The following DMD variants were observed in gnomAD, a reference collection of about 807,000 sequenced individuals.
The protein encoded by DMD is dystrophin.
Under a neutral mutation model 330.1 loss-of-function variants are expected in DMD, and 63 were observed. The observed-to-expected ratio is 0.19, with a 90% confidence interval of 0.16 to 0.24. The LOEUF (loss-of-function observed/expected upper bound fraction) is 0.24. Ranked by LOEUF, DMD falls within the 10% of genes least tolerant of loss-of-function variation. The probability of loss-of-function intolerance (pLI) is 1.00; values close to 1 mark genes in which losing one functional copy is unlikely to be tolerated. For missense variants in DMD, 3,344 were observed against 2,684.1 expected, an observed-to-expected ratio of 1.25 and a Z score of -5.43; for synonymous variants, 1,223 against 959.8, an observed-to-expected ratio of 1.27 and a Z score of -5.07.
At chrX:31,836,639 C>T in intron 49 of DMD, 79 bp downstream of exon 49, 1 of 798,073 alleles carries the variant, frequency 1.3e-6, no homozygotes, top group Non-Finnish European at 1.9e-6. Flanking sequence ...ATAAATAGTC[C>T]ACGTCAATGG....
chrX:32,956,377 C>G (rs891856682), intron 2 of DMD, among the ~76,000 whole-genome samples: 2 of 111,668 alleles, frequency 1.8e-5, no homozygotes, highest in African/African-American at 6.5e-5. Context: ...ACGTAGAGAT[C>G]TTTCACCCCT....
At chrX:33,163,618 C>CTATCTATCTATCTATGTATCTATGTA in intron 1 of DMD, among the ~76,000 whole-genome samples, 1 of 24,849 alleles carries the variant, frequency 4.0e-5, no homozygotes, top group African/African-American at 7.5e-5. Flanking sequence ...CTATATCTAT[C>CTATCTATCTATCTATGTATCTATGTA]TCTATCTATC....
intron 44 of DMD, among the ~76,000 whole-genome samples, chrX:32,198,940 C>A (rs777205315): frequency 2.7e-4 from 30 of 112,379 alleles, no homozygotes; most frequent in Admixed American, 5.7e-4. Flanking sequence ...TCTAAGCCAC[C>A]AAAGATAAAA....
chrX:31,261,358 G>T, intron 62 of DMD: 1 of 235,453 alleles, frequency 4.2e-6, no homozygotes, highest in East Asian at 1.0e-4. Flanking sequence ...CATCCAATGT[G>T]GAACACTACA....
At chrX:32,723,512 G>T (rs2066548005) in intron 7 of DMD, among the ~76,000 whole-genome samples, 1 of 111,400 alleles carries the variant, frequency 9.0e-6, no homozygotes, top group Non-Finnish European at 1.9e-5. Context: ...CTCTTTAAAT[G>T]TTTGGAAGAA....
At chrX:33,031,772 A>AAAAC (rs769836544) in intron 1 of DMD, among the ~76,000 whole-genome samples, 3 of 110,608 alleles carry the variant, frequency 2.7e-5, no homozygotes, top group South Asian at 3.9e-4. Context: ...CTCCATCTCA[A>AAAAC]AAACAAACAA....
At chrX:31,663,346 T>C (rs975785492) in intron 53 of DMD, among the ~76,000 whole-genome samples, 2 of 110,863 alleles carry the variant, frequency 1.8e-5, no homozygotes, top group African/African-American at 6.6e-5. Flanking sequence ...TTTCCTGAAG[T>C]TGCTAAACTC....
At chrX:33,032,819 T>C (rs916844890) in intron 1 of DMD, among the ~76,000 whole-genome samples, 2 of 112,402 alleles carry the variant, frequency 1.8e-5, no homozygotes, top group African/African-American at 6.5e-5. Flanking sequence ...TGCCAAATAC[T>C]GAAAGCACTT....
intron 20 of DMD, among the ~76,000 whole-genome samples, chrX:32,486,361 T>C (rs900182345): frequency 1.8e-5 from 2 of 112,244 alleles, no homozygotes; most frequent in African/African-American, 3.2e-5. Flanking sequence ...AAATGTACTA[T>C]TGAAATTCAA....
chrX:32,127,474 C>T (rs1192199259), intron 44 of DMD, among the ~76,000 whole-genome samples: 1 of 111,272 alleles, frequency 9.0e-6, no homozygotes, highest in Non-Finnish European at 1.9e-5. Flanking sequence ...GGCCTAATCA[C>T]ATTTACACTG....
intron 59 of DMD, among the ~76,000 whole-genome samples, chrX:31,465,438 G>A (rs1479471271): frequency 1.8e-5 from 2 of 110,671 alleles, no homozygotes; most frequent in Non-Finnish European, 3.8e-5. Context: ...TCCCACTTAC[G>A]AGTGAGAACA....
intron 61 of DMD, among the ~76,000 whole-genome samples, chrX:31,341,184 C>G (rs2057707516): frequency 8.9e-6 from 1 of 112,007 alleles, no homozygotes; most frequent in Non-Finnish European, 1.9e-5. Context: ...TTGAATAGCA[C>G]TTACTATGTT....
At chrX:31,429,048 G>A (rs2063880788) in intron 60 of DMD, among the ~76,000 whole-genome samples, 1 of 109,389 alleles carries the variant, frequency 9.1e-6, no homozygotes, top group Non-Finnish European at 1.9e-5. Flanking sequence ...CTTGAACCCA[G>A]CAGGCGGAGG....
At chrX:33,237,480 A>G (rs1188161347) in intron 1 of DMD, among the ~76,000 whole-genome samples, 1 of 110,557 alleles carries the variant, frequency 9.0e-6, no homozygotes, top group Non-Finnish European at 1.9e-5. Context: ...CCTGACCTCA[A>G]GTGATCCACT....
intron 21 of DMD, among the ~76,000 whole-genome samples, 172 bp downstream of exon 21, chrX:32,484,747 A>T (rs1217764448): frequency 1.8e-5 from 2 of 112,359 alleles, no homozygotes; most frequent in Admixed American, 9.5e-5. Flanking sequence ...GGACAAAAAA[A>T]TCTACAGACA....
At chrX:32,287,772 T>TAC in intron 42 of DMD, 71 bp from the exon 43 acceptor site, 1 of 719,976 alleles carries the variant, frequency 1.4e-6, no homozygotes. Context: ...AATATATATA[T>TAC]ATATACAAAT....
chrX:33,263,968 T>C (rs1020564144), intron 1 of DMD, among the ~76,000 whole-genome samples: 2 of 111,388 alleles, frequency 1.8e-5, no homozygotes, highest in Non-Finnish European at 3.8e-5. Flanking sequence ...ACTTAAGATC[T>C]TCTTTCAAAT....
At chrX:32,551,577 T>C (rs1438670290) in intron 16 of DMD, among the ~76,000 whole-genome samples, 1 of 111,591 alleles carries the variant, frequency 9.0e-6, no homozygotes, top group Non-Finnish European at 1.9e-5. Flanking sequence ...AAAACTGGCA[T>C]AAGACAAGGG....
chrX:31,345,754 C>T (rs1304196492), intron 61 of DMD, among the ~76,000 whole-genome samples: 2 of 111,624 alleles, frequency 1.8e-5, no homozygotes, highest in East Asian at 2.8e-4. Context: ...TCCTAAAAGC[C>T]ACGATCCCAC....
Sources: allele counts gnomAD v4.1 joint callset (sites outside exome capture counted in the v4.1 genomes callset), GRCh38; gene constraint gnomAD v4.1.1; transcripts MANE v1.5; gene names NCBI Gene and HGNC (gene_info 2026-07-23, HGNC 2026-07-21).